Variants in GNL2 observed in about 807,000 individuals in gnomAD.
GNL2 encodes the protein G protein nucleolar 2.
Under a neutral mutation model 92.3 loss-of-function variants are expected in GNL2, and 51 were observed. That is an observed-to-expected ratio of 0.55 (90% CI 0.44 to 0.70). The LOEUF (loss-of-function observed/expected upper bound fraction) is 0.70. Among genes scored for constraint, GNL2 ranks in the 30% least tolerant of loss-of-function variants. The pLI is 0.00. For missense variants in GNL2, 844 were observed against 895.6 expected, an observed-to-expected ratio of 0.94 and a Z score of 0.74; for synonymous variants, 283 against 300.6, an observed-to-expected ratio of 0.94 and a Z score of 0.61.
At chr1:37,581,405 C>T (rs995182772) in intron 8 of GNL2, 10 of 455,936 alleles carry the variant, frequency 2.2e-5, no homozygotes, top group Admixed American at 1.4e-4. Context: ...CAGGAGCTGA[C>T]GTCTGACCAG....
chr1:37,582,893 C>T lies in GNL2; in HGVS notation c.680G>A (p.Arg227Lys), dbSNP rs1201376517. ...AGGGGAACGAGTACCCATTGGATCT[C>T]TAGCATCAAGAACTTGAACTACAAC... ...SDVVVQVLDARDPMGTRSPHI... is the reference protein window; with the variant it reads ...SDVVVQVLDAKDPMGTRSPHI... Residue 227 changes from arginine to lysine, a missense_variant, in exon 7 of 16, where the codon AGA becomes AAA. Arg to Lys is a conservative substitution (Grantham distance 26). Transcript: ENST00000373062. 1 of 1,612,872 alleles carries T rather than the reference C, an allele frequency of 6.2e-7. No homozygotes were observed. The highest frequency in any genetic ancestry group is 1.7e-5 in the Admixed American group (1 of 59,936).
chr1:37,593,323 A>G (rs1643899755), intron 2 of GNL2, among the ~76,000 whole-genome samples: 1 of 152,196 alleles, frequency 6.6e-6, no homozygotes, highest in African/African-American at 2.4e-5. Context: ...CACACTCAGC[A>G]AATCCCTGTG....
rs766601741 is a variant in GNL2, at chr1:37,567,001, G to A, written c.2050C>T (p.Arg684Ter). 25 of 1,604,456 alleles carry A rather than the reference G, an allele frequency of 1.6e-5. No homozygotes were observed. Among genetic ancestry groups the A allele is most frequent in the Non-Finnish European group, 2.0e-5 (23 of 1,177,450 alleles). The change falls in exon 16 of 16, where the codon CGA becomes TGA. Residue 684 changes from arginine (R) to a stop codon, truncating the protein, a stop_gained. Transcript: ENST00000373062. LOFTEE classifies it high-confidence loss of function. ...TTCGGCCGTTGCTGTCGTACTGCTC[G>A]CCTCCGCTGTAAAAAATGGCAAGAA... is the stretch of plus-strand genomic sequence containing the variant. ...PRALTSKERRRAVRQQRPKKV... is the reference protein window; with the variant it reads ...PRALTSKERR
At position 37,582,503 on chromosome 1, in the gene GNL2, T is replaced by G. The variant is rs367660798; in HGVS notation, c.796-167A>C. On this transcript the variant is annotated intron_variant, in intron 7 of 15. Transcript: ENST00000373062. The stretch of plus-strand genomic sequence containing the variant: ...TTTTCCAAGTATAACAGTTAATGCT[T>G]TGTTCTTCTGTCTTATAAATACAAA... Among the ~76,000 whole-genome samples, 15 of 152,380 alleles carry G rather than the reference T, an allele frequency of 9.8e-5. No individual in the cohort carries two copies. In the East Asian group the frequency reaches 1.7e-3, roughly 18 times the overall value.
Position 37,592,818 on chromosome 1 carries a change from A to C in GNL2, c.150-12T>G, listed in dbSNP as rs764463203. On this transcript the variant is annotated splice_polypyrimidine_tract_variant and intron_variant, in intron 2 of 15. Transcript: ENST00000373062. ...TACCACGACTGTTCCTAAATTGAGG[A>C]AAGAACAGATATTGGTTGACAACAG... 29 of 1,444,706 alleles carry C rather than the reference A, an allele frequency of 2.0e-5. No individual in the cohort carries two copies. The highest frequency in any genetic ancestry group is 2.8e-5 in the Non-Finnish European group (29 of 1,026,146). 89.5% of individuals were successfully genotyped at this position (1,444,706 alleles called of 1,614,324 possible). A position where few individuals can be genotyped will look rare whatever the true frequency, so the allele number is the denominator to read the frequency against.
rs1186604073 is a variant in GNL2, at chr1:37,575,309, A to G, written c.1143+286T>C. 2.0e-5 allele frequency among the ~76,000 whole-genome samples: 3 copies of G among 152,240 alleles called. No individual in the cohort carries two copies. ...AAATGACTCAACCCATAAACCCACG[A>G]AGACGAATTATCGCTAAGCATAAAC... On this transcript the variant is annotated intron_variant, in intron 10 of 15. Coordinates refer to ENST00000373062, the MANE Select transcript of GNL2 (RefSeq NM_013285.3). This position sits in a 1 kb window ranked among gnomAD's most constrained non-coding sequence, Gnocchi z 4.1.
At position 37,595,872 on chromosome 1, in the gene GNL2, A is replaced by T; in HGVS notation, c.-50T>A. 1.3e-6 allele frequency: 2 copies of T among 1,537,414 alleles called. No individual in the cohort carries two copies. Among genetic ancestry groups the T allele is most frequent in the Non-Finnish European group, 1.8e-6 (2 of 1,110,146 alleles). On this transcript the variant is annotated 5_prime_UTR_variant, in exon 1 of 16. Transcript: ENST00000373062. ...GTGCGAGGTCCGGCTTACGTGGTGAAACAAACTTTTATGTTCCCAAGCCCG... is the reference window on the plus strand; with the variant it reads ...GTGCGAGGTCCGGCTTACGTGGTGATACAAACTTTTATGTTCCCAAGCCCG...
Position 37,587,322 on chromosome 1 carries a change from G to T in GNL2, c.558C>A (p.Asp186Glu). 1 of 1,585,928 alleles carries T rather than the reference G, an allele frequency of 6.3e-7. No individual in the cohort carries two copies. Among genetic ancestry groups the T allele is most frequent in the Non-Finnish European group, 8.6e-7 (1 of 1,164,238 alleles). The change falls in exon 5 of 16, where the codon GAC becomes GAA. Residue 186 changes from aspartate (D) to glutamate (E), a missense_variant. Asp to Glu is a conservative substitution (Grantham distance 45). Transcript: ENST00000373062. ...AAAAAAAAATGTACCTCACACCAGTGTCTTCAGTTACCAAATCACGATCCT... is the reference window on the plus strand; with the variant it reads ...AAAAAAAAATGTACCTCACACCAGTTTCTTCAGTTACCAAATCACGATCCT... The part of the protein sequence containing the change: ...QGKDRDLVTE[D>E]TGVRNEAQEE...
At chr1:37,585,834 A>C (rs1451152115) in intron 5 of GNL2, among the ~76,000 whole-genome samples, 2 of 152,110 alleles carry the variant, frequency 1.3e-5, no homozygotes, top group Non-Finnish European at 2.9e-5. Flanking sequence ...AGACAGCAAA[A>C]CCTCCACTTC....
intron 12 of GNL2, among the ~76,000 whole-genome samples, chr1:37,573,957 C>T (rs1223570569): frequency 1.3e-5 from 2 of 152,110 alleles, no homozygotes; most frequent in African/African-American, 4.8e-5. Context: ...TGCAGTGGCA[C>T]GATCTCGGCT....
Position 37,574,780 on chromosome 1 carries a change from GCA to G in GNL2, c.1185_1186del (p.Ala396CysfsTer3), listed in dbSNP as rs1398740483. The G allele has an allele frequency of 6.2e-6, 10 of 1,613,202 alleles. No individual in the cohort carries two copies. Among genetic ancestry groups the G allele is most frequent in the Non-Finnish European group, 8.5e-6 (10 of 1,179,132 alleles). ...TTCTGGCTTTGCTCGTTCAAGTACA[GCA>G]CCAATGTGGTCTTCAGGACTCTTAA... On this transcript the variant is annotated frameshift_variant, in exon 11 of 16. Transcript: ENST00000373062. LOFTEE classifies it high-confidence loss of function.
chr1:37,582,175 C>CAACT (rs1414473762), intron 8 of GNL2, 48 bp downstream of exon 8: 2 of 1,248,506 alleles, frequency 1.6e-6, no homozygotes, highest in Admixed American at 4.2e-5. Flanking sequence ...ATTCTTATAC[C>CAACT]AACTCACAGC....
In GNL2 at chr1:37,566,885, G is replaced by A. The variant is rs762655429; in HGVS notation, c.2166C>T (p.His722=). 2 of 1,613,564 alleles carry A rather than the reference G, an allele frequency of 1.2e-6. No homozygotes were observed. Among genetic ancestry groups the A allele is most frequent in the South Asian group, 2.2e-5 (2 of 90,872 alleles). ...GCTTTTGTCTGAATTTTTTGCGTTT[G>A]TGTTTCTGTCCCTCTGAGTCATTGG... The part of the protein sequence containing the change: ...KKTNDSEGQK[H]KRKKFRQKQ The change falls in exon 16 of 16, where the codon CAC becomes CAT. Residue 722 remains histidine, a synonymous_variant. Coordinates refer to ENST00000373062, the MANE Select transcript of GNL2 (RefSeq NM_013285.3).
At chr1:37,589,113 G>C (rs893191206) in intron 4 of GNL2, among the ~76,000 whole-genome samples, 1 of 152,190 alleles carries the variant, frequency 6.6e-6, no homozygotes, top group African/African-American at 2.4e-5. Context: ...GAGAACAAGG[G>C]AAATGAGCAA....
At chr1:37,574,510 C>T (rs1291038267) in intron 11 of GNL2, 54 bp from the exon 12 acceptor site, 7 of 1,491,398 alleles carry the variant, frequency 4.7e-6, no homozygotes, top group Non-Finnish European at 6.5e-6. Context: ...AAACCACCTA[C>T]CACTTTGGGG....
intron 10 of GNL2, among the ~76,000 whole-genome samples, 169 bp from the exon 11 acceptor site, chr1:37,574,992 A>G (rs1234070055): frequency 6.6e-6 from 1 of 152,240 alleles, no homozygotes; most frequent in Non-Finnish European, 1.5e-5. Context: ...TGCAAGGAGC[A>G]CTGCTGAAAG....
intron 1 of GNL2, 80 bp downstream of exon 1, chr1:37,595,679 T>C: frequency 8.3e-7 from 1 of 1,206,358 alleles, no homozygotes; most frequent in Non-Finnish European, 1.2e-6. Flanking sequence ...CGAGTAACCC[T>C]CCTTCCCCTC....
In GNL2 at chr1:37,592,695, CAG is replaced by C. The variant is rs762777065; in HGVS notation, c.244+15_244+16del. The C allele has an allele frequency of 2.4e-5, 32 of 1,359,842 alleles. No homozygotes were observed. Among genetic ancestry groups the C allele is most frequent in the Middle Eastern group, 1.8e-4 (1 of 5,538 alleles). 84.2% of individuals were successfully genotyped at this position (1,359,842 alleles called of 1,614,324 possible). ...GCATATATTTTGTAGAGCAAAGTAA[CAG>C]GGGATAATACTCACCAAACCATTTA... On this transcript the variant is annotated intron_variant, in intron 3 of 15. Coordinates refer to ENST00000373062, the MANE Select transcript of GNL2 (RefSeq NM_013285.3).
At chr1:37,578,982 G>GA (rs1285716047) in intron 8 of GNL2, among the ~76,000 whole-genome samples, 2 of 152,004 alleles carry the variant, frequency 1.3e-5, no homozygotes, top group Non-Finnish European at 2.9e-5. Context: ...GGTTAAGACA[G>GA]AACAAGACCC....
Sources: gnomAD v4.1 joint callset for allele counts (sites outside exome capture counted in the v4.1 genomes callset) on GRCh38, gnomAD v4.1.1 for gene constraint, Gnocchi (gnomAD v3.1) non-coding constraint, MANE v1.5 for transcripts, NCBI Gene and HGNC (gene_info 2026-07-23, HGNC 2026-07-21) for gene names.